JPH2: variants seen among roughly 807,000 people sequenced by gnomAD.
JPH2 encodes the protein junctophilin-2.
In JPH2, 38 loss-of-function variants were observed where a neutral mutation model predicts 55.9. The ratio of observed to expected loss-of-function variants is 0.68; its 90% CI spans 0.52 to 0.89. The LOEUF (loss-of-function observed/expected upper bound fraction) is 0.89. JPH2 is among the 40% of genes least tolerant of loss of function. JPH2 has a pLI of 0.00. For missense variants in JPH2, 964 were observed against 1,037.6 expected, an observed-to-expected ratio of 0.93 and a Z score of 0.97; for synonymous variants, 480 against 472.4, an observed-to-expected ratio of 1.02 and a Z score of -0.21.
chr20:44,141,042 AGGT>A (rs2072453072), intron 2 of JPH2, among the ~76,000 whole-genome samples: 1 of 152,148 alleles, frequency 6.6e-6, no homozygotes, highest in South Asian at 2.1e-4. Flanking sequence ...ATGAAAACAG[AGGT>A]GCAGTGAAGG....
At chr20:44,150,199 T>TAA (rs11482091) in intron 2 of JPH2, among the ~76,000 whole-genome samples, 1 of 151,614 alleles carries the variant, frequency 6.6e-6, no homozygotes, top group African/African-American at 2.4e-5. Flanking sequence ...TGTCATGTCA[T>TAA]AAAAAAAATG....
intron 1 of JPH2, among the ~76,000 whole-genome samples, chr20:44,175,947 C>T (rs1301025586): frequency 6.6e-6 from 1 of 152,202 alleles, no homozygotes; most frequent in African/African-American, 2.4e-5. Flanking sequence ...TGGACACTTC[C>T]AACAGGCATC....
At chr20:44,116,748 G>T (rs2072196069) in intron 3 of JPH2, among the ~76,000 whole-genome samples, 1 of 152,178 alleles carries the variant, frequency 6.6e-6, no homozygotes, top group African/African-American at 2.4e-5. Context: ...TCTGAAACAT[G>T]GGCCTGATCA....
intron 2 of JPH2, among the ~76,000 whole-genome samples, chr20:44,139,964 T>A (rs929376485): frequency 2.0e-5 from 3 of 152,090 alleles, no homozygotes; most frequent in African/African-American, 4.8e-5. Flanking sequence ...CTCTGCCTCC[T>A]GGGTTCAAGT....
chr20:44,142,029 G>A (rs1229733220), intron 2 of JPH2, among the ~76,000 whole-genome samples: 1 of 152,196 alleles, frequency 6.6e-6, no homozygotes, highest in Non-Finnish European at 1.5e-5. Context: ...TGACCACTTG[G>A]CAGGACGATG....
Position 44,154,757 on chromosome 20 carries a change from C to T in JPH2, c.1169+4861G>A, listed in dbSNP as rs189983523. Among the ~76,000 whole-genome samples, 39 of 152,312 alleles carry T rather than the reference C, an allele frequency of 2.6e-4. No homozygotes were observed. In the South Asian group the frequency reaches 6.4e-3, roughly 25 times the overall value. On this transcript the variant is annotated intron_variant, in intron 2 of 5. Transcript: ENST00000372980. ...GCCCCAGGGATGGGGAGAGTCCCTG[C>T]GGAAGATGGCCACAATCCTGCTTTT...
chr20:44,155,725 T>C (rs1225744692), intron 2 of JPH2, among the ~76,000 whole-genome samples: 2 of 152,172 alleles, frequency 1.3e-5, no homozygotes. Flanking sequence ...CTCTATAAAC[T>C]ATCTCACCAG....
In JPH2 at chr20:44,186,776, A is replaced by T; in HGVS notation, c.-71T>A. On this transcript the variant is annotated 5_prime_UTR_variant, in exon 1 of 6. Transcript: ENST00000372980. The stretch of plus-strand genomic sequence containing the variant: ...AGAGGGCGTGGGTGATGCCTGCAAC[A>T]CTCCTCCAGTGCCCTCGGGGGCAGG... 6.8e-7 allele frequency: 1 copy of T among 1,461,078 alleles called. No individual in the cohort carries two copies. Among genetic ancestry groups the T allele is most frequent in the Non-Finnish European group, 9.5e-7 (1 of 1,057,010 alleles). 90.5% of individuals were successfully genotyped at this position (1,461,078 alleles called of 1,614,324 possible).
chr20:44,166,922 C>T (rs1233435230), intron 1 of JPH2, among the ~76,000 whole-genome samples: 1 of 152,198 alleles, frequency 6.6e-6, no homozygotes, highest in Non-Finnish European at 1.5e-5. Context: ...TCCCCAACAG[C>T]CCACAAAACC....
At position 44,115,852 on chromosome 20, in the gene JPH2, G is replaced by T. The variant is rs750776027; in HGVS notation, c.1823C>A (p.Thr608Lys). The stretch of plus-strand genomic sequence containing the variant: ...GCGTGCAGGCTCGGGGCCTCGGAGC[G>T]TGGGGGCCTGCAGCGGGGCGGTGGC... ...SPATAPLQAP[T>K]LRGPEPARET... The change falls in exon 4 of 6, where the codon ACG becomes AAG. Residue 608 changes from threonine to lysine, a missense_variant. Thr to Lys is a moderately conservative substitution (Grantham distance 78). Coordinates refer to ENST00000372980, the MANE Select transcript of JPH2 (RefSeq NM_020433.5). 6.3e-7 allele frequency: 1 copy of T among 1,592,064 alleles called. No homozygotes were observed. Among genetic ancestry groups the T allele is most frequent in the African/African-American group, 1.3e-5 (1 of 74,786 alleles).
rs1040757122 is a variant in JPH2, at chr20:44,148,566, GA to G, written c.1169+11051del. On this transcript the variant is annotated intron_variant, in intron 2 of 5. Coordinates refer to ENST00000372980, the MANE Select transcript of JPH2 (RefSeq NM_020433.5). ...ACCTGCTGACAACGTCCTGGATGCA[GA>G]AAGGGGAAATGTGTTGGGCGAAGGC... is the stretch of plus-strand genomic sequence containing the variant. Among the ~76,000 whole-genome samples, 3 of 152,234 alleles carry G rather than the reference GA, an allele frequency of 2.0e-5. No individual in the cohort carries two copies. In the South Asian group the frequency reaches 6.2e-4, roughly 32 times the overall value.
chr20:44,182,497 G>T (rs185676521), intron 1 of JPH2, among the ~76,000 whole-genome samples: 1 of 152,158 alleles, frequency 6.6e-6, no homozygotes, highest in South Asian at 2.1e-4. Flanking sequence ...TAAAACCCAG[G>T]ACCTGCAAAG....
chr20:44,126,429 C>T (rs772228125), intron 2 of JPH2, among the ~76,000 whole-genome samples: 22 of 152,226 alleles, frequency 1.4e-4, no homozygotes, highest in Non-Finnish European at 3.1e-4. Flanking sequence ...AGGGAAAATG[C>T]TGCCCAGCGT....
In JPH2 at chr20:44,159,602, C is replaced by G. The variant is rs375515254; in HGVS notation, c.1169+16G>C. 7 of 1,595,012 alleles carry G rather than the reference C, an allele frequency of 4.4e-6. No homozygotes were observed. The highest frequency in any genetic ancestry group is 5.1e-6 in the Non-Finnish European group (6 of 1,177,426). ...CGAGGGGAGGCGACCCCTTCCCACC[C>G]CCACCGCTGTCCTACCTGGAGGCGG... On this transcript the variant is annotated intron_variant, in intron 2 of 5. Transcript: ENST00000372980. The surrounding 1 kb of genome is among the most constrained non-coding windows in gnomAD (Gnocchi z 5.7).
intron 1 of JPH2, chr20:44,177,804 C>G: frequency 6.4e-7 from 1 of 1,563,694 alleles, no homozygotes; most frequent in East Asian, 2.3e-5. Context: ...CTCCCGAAGA[C>G]AGTGACAGCT....
rs1402438064 is a variant in JPH2 at position 44,159,491 on chromosome 20, C to A, written c.1169+127G>T. 2.1e-6 allele frequency: 2 copies of A among 966,560 alleles called. No individual in the cohort carries two copies. The highest frequency in any genetic ancestry group is 3.2e-5 in the African/African-American group (2 of 61,682). The allele number at this position is 966,560 out of a possible 1,614,324, so 59.9% of individuals were successfully genotyped here. A position where few individuals can be genotyped will look rare whatever the true frequency, so the allele number is the denominator to read the frequency against. ...CAGCTCCCGAAGAGCCTCCAATTAACCCCTGAAGGTGATGGGGGTAAAAGA... is the reference window on the plus strand; with the variant it reads ...CAGCTCCCGAAGAGCCTCCAATTAAACCCTGAAGGTGATGGGGGTAAAAGA... On this transcript the variant is annotated intron_variant, in intron 2 of 5. Transcript: ENST00000372980. This position sits in a 1 kb window ranked among gnomAD's most constrained non-coding sequence, Gnocchi z 5.7.
chr20:44,164,671 A>AAAAC (rs34787127), intron 1 of JPH2, among the ~76,000 whole-genome samples: 5,120 of 149,510 alleles, frequency 0.034, 112 homozygotes, highest in Non-Finnish European at 0.045. Flanking sequence ...AAAGCCTCAA[A>AAAAC]AAACAAACAA....
At chr20:44,177,096 T>G in intron 1 of JPH2, 1 of 985,512 alleles carries the variant, frequency 1.0e-6, no homozygotes. Flanking sequence ...GCAACTCTCA[T>G]CAGTTCCCTT....
chr20:44,126,156 G>A (rs185681603), intron 2 of JPH2, among the ~76,000 whole-genome samples: 1 of 47,882 alleles, frequency 2.1e-5, no homozygotes, highest in Non-Finnish European at 4.4e-5. Context: ...GGGAGGGAGG[G>A]AGGGAGGGAG....
Sources: gnomAD v4.1 joint callset for allele counts (sites outside exome capture counted in the v4.1 genomes callset) on GRCh38, gnomAD v4.1.1 for gene constraint, Gnocchi (gnomAD v3.1) non-coding constraint, MANE v1.5 for transcripts, NCBI Gene and HGNC (gene_info 2026-07-23, HGNC 2026-07-21) for gene names.